OSBPL9: variants seen among roughly 807,000 people sequenced by gnomAD.
OSBPL9 encodes oxysterol-binding protein-related protein 9.
Under a neutral mutation model 106.6 loss-of-function variants are expected in OSBPL9, and 40 were observed. The ratio of observed to expected loss-of-function variants is 0.38; its 90% CI spans 0.29 to 0.49. The LOEUF is 0.49. OSBPL9 is among the 20% of genes least tolerant of loss of function. The probability of loss-of-function intolerance (pLI) is 0.97; values close to 1 mark genes in which losing one functional copy is unlikely to be tolerated. For missense variants in OSBPL9, 609 were observed against 887.2 expected (o/e 0.69, Z 3.98); for synonymous variants, 269 against 295.4 (o/e 0.91, Z 0.92).
intron 8 of OSBPL9, among the ~76,000 whole-genome samples, chr1:51,753,791 T>C (rs1276187365): frequency 6.6e-6 from 1 of 152,240 alleles, no homozygotes; most frequent in Non-Finnish European, 1.5e-5. Flanking sequence ...CCTAAATGAT[T>C]AGTGTATTGG....
At chr1:51,703,175 G>A (rs1460753222) in intron 3 of OSBPL9, among the ~76,000 whole-genome samples, 18 of 152,166 alleles carry the variant, frequency 1.2e-4, no homozygotes. Flanking sequence ...CCAATTCTGT[G>A]AAGAAAGTCA....
intron 1 of OSBPL9, among the ~76,000 whole-genome samples, chr1:51,624,847 A>T (rs1644676784): frequency 1.3e-5 from 2 of 152,204 alleles, no homozygotes; most frequent in African/African-American, 4.8e-5. Context: ...TACATTCTTT[A>T]TCTGTACAGC....
intron 1 of OSBPL9, among the ~76,000 whole-genome samples, chr1:51,647,916 G>A (rs756008621): frequency 6.6e-5 from 10 of 152,028 alleles, no homozygotes; most frequent in Non-Finnish European, 8.8e-5. Flanking sequence ...GGAGTAGCCC[G>A]AGAACCCCTT....
At chr1:51,777,946 A>G (rs962888821) in intron 15 of OSBPL9, among the ~76,000 whole-genome samples, 1 of 152,128 alleles carries the variant, frequency 6.6e-6, no homozygotes, top group African/African-American at 2.4e-5. Flanking sequence ...TGAAGCCAGG[A>G]GTTTGAGACC....
At chr1:51,724,296 CT>C (rs1662700464) in intron 4 of OSBPL9, among the ~76,000 whole-genome samples, 1 of 151,256 alleles carries the variant, frequency 6.6e-6, no homozygotes. Flanking sequence ...TTTTTTTCTT[CT>C]TTTTGAGATG....
At chr1:51,523,722 TA>T in the OSBPL9 span, among the ~76,000 whole-genome samples, 1 of 152,188 alleles carries the variant, frequency 6.6e-6, no homozygotes, top group Non-Finnish European at 1.5e-5. Context: ...GAGAAGACCT[TA>T]AATCATAAAC....
intron 3 of OSBPL9, among the ~76,000 whole-genome samples, chr1:51,675,034 T>C (rs1359418974): frequency 6.6e-6 from 1 of 152,248 alleles, no homozygotes; most frequent in Non-Finnish European, 1.5e-5. Context: ...TGCAGGTTTA[T>C]AGCCTAGGAA....
At chr1:51,573,673 G>A (rs527526852), upstream of OSBPL9, among the ~76,000 whole-genome samples, 7 of 151,910 alleles carry the variant, frequency 4.6e-5, no homozygotes, top group African/African-American at 1.4e-4. Flanking sequence ...CATTAGCTGA[G>A]CAGGGTGGCG....
intron 3 of OSBPL9, among the ~76,000 whole-genome samples, chr1:51,672,269 G>GTGGCT (rs1650056217): frequency 6.6e-6 from 1 of 152,222 alleles, no homozygotes; most frequent in African/African-American, 2.4e-5. Flanking sequence ...AGAGGTGGTA[G>GTGGCT]TGGCTCCCAC....
intron 3 of OSBPL9, among the ~76,000 whole-genome samples, chr1:51,706,003 T>C (rs1658467920): frequency 6.6e-6 from 1 of 152,252 alleles, no homozygotes; most frequent in Admixed American, 6.5e-5. Flanking sequence ...CATGTCTGTT[T>C]ATTCTGTTAG....
At chr1:51,707,447 C>G in intron 3 of OSBPL9, 1 of 177,344 alleles carries the variant, frequency 5.6e-6, no homozygotes, top group Non-Finnish European at 1.2e-5. Context: ...ACTTGGAAGA[C>G]CATGCCAGTG....
chr1:51,536,638 C>T, the OSBPL9 span, among the ~76,000 whole-genome samples: 27 of 152,092 alleles, frequency 1.8e-4, no homozygotes, highest in Non-Finnish European at 2.9e-4. Flanking sequence ...TCTTTAGTGT[C>T]CTTTAATCTA....
At chr1:51,663,296 G>GTA in intron 2 of OSBPL9, among the ~76,000 whole-genome samples, 1 of 1,520 alleles carries the variant, frequency 6.6e-4, no homozygotes, top group Admixed American at 0.02. Flanking sequence ...ATGCTGGCAA[G>GTA]TGTGTGTGTG....
At chr1:51,620,402 T>TGTTATAGGTA (rs1390699129) in intron 1 of OSBPL9, among the ~76,000 whole-genome samples, 6 of 152,076 alleles carry the variant, frequency 3.9e-5, no homozygotes, top group Non-Finnish European at 5.9e-5. Context: ...AAATTGTTCA[T>TGTTATAGGTA]CCTCTCATGG....
intron 8 of OSBPL9, 88 bp from the exon 9 acceptor site, chr1:51,756,232 T>G: frequency 1.9e-6 from 2 of 1,068,798 alleles, no homozygotes; most frequent in South Asian, 1.3e-5. Context: ...ATTACTTACC[T>G]AGTAAATAAG....
intron 9 of OSBPL9, among the ~76,000 whole-genome samples, chr1:51,758,436 A>C (rs1429780611): frequency 1.3e-5 from 2 of 151,624 alleles, no homozygotes; most frequent in East Asian, 1.9e-4. Flanking sequence ...AAAAAAAAAA[A>C]AAACCTGGTC....
the OSBPL9 span, among the ~76,000 whole-genome samples, chr1:51,568,109 C>T: frequency 6.6e-5 from 10 of 152,292 alleles, no homozygotes; most frequent in African/African-American, 2.4e-4. Flanking sequence ...CCTAAAGGGG[C>T]TAGAAGGAGT....
chr1:51,564,765 C>T, the OSBPL9 span, among the ~76,000 whole-genome samples: 3 of 152,298 alleles, frequency 2.0e-5, no homozygotes, highest in Non-Finnish European at 4.4e-5. Context: ...TGTGACAGTG[C>T]CCTGTTGATT....
intron 3 of OSBPL9, among the ~76,000 whole-genome samples, chr1:51,681,763 C>T (rs1652609982): frequency 6.6e-6 from 1 of 152,100 alleles, no homozygotes; most frequent in African/African-American, 2.4e-5. Flanking sequence ...TGCCCACACC[C>T]CTTATATAAA....
Sources: allele counts gnomAD v4.1 joint callset (sites outside exome capture counted in the v4.1 genomes callset), GRCh38; gene constraint gnomAD v4.1.1; transcripts MANE v1.5; gene names NCBI Gene and HGNC (gene_info 2026-07-23, HGNC 2026-07-21).